CLMP: variants seen among roughly 807,000 people sequenced by gnomAD.
The protein encoded by CLMP is CXADR-like membrane protein.
A neutral mutation model predicts 45.2 loss-of-function variants in CLMP; 27 were observed. That is an observed-to-expected ratio of 0.60 (90% CI 0.44 to 0.82). CLMP has a LOEUF of 0.82. CLMP is among the 40% of genes least tolerant of loss of function. The pLI, the probability that CLMP is intolerant of heterozygous loss-of-function variation, is 0.00. For synonymous variants in CLMP, 167 were observed against 171.4 expected (o/e 0.97, Z 0.20); for missense variants, 403 against 448.4 (o/e 0.90, Z 0.91).
Position 123,071,879 on chromosome 11 carries a change from T to C in CLMP, c.*1595A>G, listed in dbSNP as rs1865676048. 1 of 152,256 alleles carries C rather than the reference T, an allele frequency of 6.6e-6. No homozygotes were observed. The highest frequency in any genetic ancestry group is 2.4e-5 in the African/African-American group (1 of 41,460). 9.4% of individuals were successfully genotyped at this position (152,256 alleles called of 1,614,324 possible). A position where few individuals can be genotyped will look rare whatever the true frequency, so the allele number is the denominator to read the frequency against. The stretch of plus-strand genomic sequence containing the variant: ...AGTTATTGTATTGCAGGCTGCTGTT[T>C]TCTTTATTTCTCAAACATCTTTCTT... On this transcript the variant is annotated 3_prime_UTR_variant, in exon 7 of 7. Transcript: ENST00000448775.
intron 1 of CLMP, among the ~76,000 whole-genome samples, chr11:123,118,987 T>G (rs867271917): frequency 2.8e-5 from 1 of 35,268 alleles, no homozygotes; most frequent in Non-Finnish European, 5.1e-5. Flanking sequence ...CTTTCTTTCT[T>G]TCTTTCTTTC....
At chr11:123,185,807 G>A (rs1565406767) in intron 1 of CLMP, among the ~76,000 whole-genome samples, 1 of 152,132 alleles carries the variant, frequency 6.6e-6, no homozygotes, top group Non-Finnish European at 1.5e-5. Flanking sequence ...TCAGGTCAGT[G>A]GGAAGAAAAA....
chr11:123,090,791 A>C (rs1247746271), intron 2 of CLMP, among the ~76,000 whole-genome samples: 1 of 152,194 alleles, frequency 6.6e-6, no homozygotes, highest in African/African-American at 2.4e-5. Flanking sequence ...CGAGAAGCAG[A>C]CAAACTGGGA....
At chr11:123,188,323 A>G (rs7109159) in intron 1 of CLMP, among the ~76,000 whole-genome samples, 4,634 of 152,188 alleles carry the variant, frequency 0.03, 233 homozygotes, top group African/African-American at 0.11. Context: ...GCCATCCGTG[A>G]AATAGAACGC....
At chr11:123,167,717 G>A (rs899690588) in intron 1 of CLMP, among the ~76,000 whole-genome samples, 4 of 152,142 alleles carry the variant, frequency 2.6e-5, no homozygotes, top group Non-Finnish European at 5.9e-5. Flanking sequence ...CTCTGAATAC[G>A]TCACCTCCTC....
intron 1 of CLMP, among the ~76,000 whole-genome samples, chr11:123,166,334 C>G (rs1861556030): frequency 6.6e-6 from 1 of 152,212 alleles, no homozygotes. Context: ...GAGAGATTGA[C>G]TATAAATGGT....
chr11:123,137,459 G>A (rs568609554), intron 1 of CLMP, among the ~76,000 whole-genome samples: 1 of 152,116 alleles, frequency 6.6e-6, no homozygotes, highest in African/African-American at 2.4e-5. Flanking sequence ...GGAGCCGACA[G>A]GGTCCCAGAG....
intron 1 of CLMP, among the ~76,000 whole-genome samples, chr11:123,164,655 T>G (rs1410863635): frequency 6.6e-6 from 1 of 152,080 alleles, no homozygotes; most frequent in Non-Finnish European, 1.5e-5. Flanking sequence ...AGAGTAGCTA[T>G]CTGTATAGCA....
intron 1 of CLMP, among the ~76,000 whole-genome samples, chr11:123,170,607 T>C (rs535517812): frequency 6.3e-4 from 96 of 151,984 alleles, no homozygotes; most frequent in Non-Finnish European, 1.2e-3. Context: ...ATCTGGCTAA[T>C]TTTTGGTATT....
At chr11:123,148,253 G>C (rs898505124) in intron 1 of CLMP, among the ~76,000 whole-genome samples, 4 of 152,182 alleles carry the variant, frequency 2.6e-5, no homozygotes, top group African/African-American at 9.6e-5. Flanking sequence ...CTGGCATTTG[G>C]TCCAGGTCTT....
At chr11:123,137,236 C>T (rs1271506874) in intron 1 of CLMP, among the ~76,000 whole-genome samples, 2 of 145,258 alleles carry the variant, frequency 1.4e-5, no homozygotes, top group Non-Finnish European at 3.0e-5. Context: ...TCACTGCAAG[C>T]TCCGCCTCCC....
At chr11:123,134,270 AG>A in intron 1 of CLMP, among the ~76,000 whole-genome samples, 1 of 151,806 alleles carries the variant, frequency 6.6e-6, no homozygotes, top group African/African-American at 2.4e-5. Context: ...AAAAAAAAAA[AG>A]TATGCTTTTC....
intron 1 of CLMP, among the ~76,000 whole-genome samples, chr11:123,170,085 G>A (rs554708143): frequency 3.9e-5 from 6 of 152,260 alleles, no homozygotes; most frequent in African/African-American, 1.4e-4. Flanking sequence ...TCAGGAAAAG[G>A]GTCTGGAAGA....
In CLMP at chr11:123,194,929, G is replaced by A; in HGVS notation, c.12C>T (p.Leu4=). ...GGCACTCACCTAGCAAGAGGAGAAG[G>A]AGGAGGGACATCCCGATCCCCGGAC... MSL[L]LLLLLVSYYV... is the part of the protein sequence containing the mutation. The change falls in exon 1 of 7, where the codon CTC becomes CTT. Residue 4 remains leucine (L), a synonymous_variant. Coordinates refer to ENST00000448775, the MANE Select transcript of CLMP (RefSeq NM_024769.5). 6.2e-7 allele frequency: 1 copy of A among 1,613,176 alleles called. No homozygotes were observed. The highest frequency in any genetic ancestry group is 8.5e-7 in the Non-Finnish European group (1 of 1,179,546).
At position 123,194,814 on chromosome 11, in the gene CLMP, G is replaced by A. The variant is rs1436925632; in HGVS notation, c.28+99C>T. 3 of 1,470,336 alleles carry A rather than the reference G, an allele frequency of 2.0e-6. No homozygotes were observed. The East Asian group carries it at 7.0e-5, about 34-fold the overall frequency. 91.1% of individuals were successfully genotyped at this position (1,470,336 alleles called of 1,614,324 possible). ...GGACTGAAAAGCCGGCTGACTCCAG[G>A]GGCTGCAGGGACACCCGGTCAGAAC... is the stretch of plus-strand genomic sequence containing the variant. On this transcript the variant is annotated intron_variant, in intron 1 of 6. Coordinates refer to ENST00000448775, the MANE Select transcript of CLMP (RefSeq NM_024769.5).
At chr11:123,076,697 C>G (rs1865744437) in intron 5 of CLMP, among the ~76,000 whole-genome samples, 1 of 151,868 alleles carries the variant, frequency 6.6e-6, no homozygotes, top group Non-Finnish European at 1.5e-5. Context: ...GAGATGAGGT[C>G]ACAGAGACAG....
At chr11:123,088,303 A>G (rs2135472977) in intron 2 of CLMP, among the ~76,000 whole-genome samples, 1 of 152,300 alleles carries the variant, frequency 6.6e-6, no homozygotes, top group Non-Finnish European at 1.5e-5. Flanking sequence ...TCACAACAGG[A>G]AAAAACTGGA....
chr11:123,158,537 C>G (rs1465610443), intron 1 of CLMP, among the ~76,000 whole-genome samples: 1 of 152,156 alleles, frequency 6.6e-6, no homozygotes, highest in African/African-American at 2.4e-5. Context: ...CTCACTGTCT[C>G]CCCCTTTAAA....
chr11:123,136,714 C>A (rs1861078546), intron 1 of CLMP, among the ~76,000 whole-genome samples: 1 of 151,412 alleles, frequency 6.6e-6, no homozygotes, highest in Non-Finnish European at 1.5e-5. Flanking sequence ...ATTACAGGCA[C>A]ATGCCACCCT....
Sources: allele counts gnomAD v4.1 joint callset (sites outside exome capture counted in the v4.1 genomes callset), GRCh38; gene constraint gnomAD v4.1.1; transcripts MANE v1.5; gene names NCBI Gene and HGNC (gene_info 2026-07-23, HGNC 2026-07-21).